Variants in SRP54 observed in about 807,000 individuals in gnomAD.
The protein encoded by SRP54 is signal recognition particle 54, also known as signal recognition particle subunit SRP54.
SRP54 carries 10 observed loss-of-function variants against 64.8 expected under a neutral mutation model. That is an observed-to-expected ratio of 0.15 (90% CI 0.10 to 0.26). SRP54 has a LOEUF of 0.26. Ranked by LOEUF, SRP54 falls within the 10% of genes least tolerant of loss-of-function variation. The pLI, the probability that SRP54 is intolerant of heterozygous loss-of-function variation, is 1.00. For synonymous variants in SRP54, 193 were observed against 185.6 expected (o/e 1.04, Z -0.32); for missense variants, 325 against 613.7 (o/e 0.53, Z 4.97).
chr14:34,995,134 GGTGTGTGTGTGTGTGT>G lies in SRP54; in HGVS notation c.-33-1504_-33-1489del, dbSNP rs35829734. ...TTCCAGAGAAGCAGAATCAATAAAG[GGTGTGTGTGTGTGTGT>G]GTGTGTGTGTGTGTGTGTGTGTGTG... On this transcript the variant is annotated intron_variant, in intron 1 of 15. Coordinates refer to ENST00000216774, the MANE Select transcript of SRP54 (RefSeq NM_003136.4). 4.4e-3 allele frequency among the ~76,000 whole-genome samples: 311 copies of G among 70,326 alleles called. 3 individuals are homozygous for G. The highest frequency in any genetic ancestry group is 6.2e-3 in the Non-Finnish European group (213 of 34,500). The allele number at this position is 70,326 out of a possible 152,430, so 46.1% of individuals were successfully genotyped here. A position where few individuals can be genotyped will look rare whatever the true frequency, so the allele number is the denominator to read the frequency against.
chr14:35,029,105 G>A lies in SRP54; in HGVS notation c.1468G>A (p.Gly490Ser). 6.2e-7 allele frequency: 1 copy of A among 1,613,134 alleles called. No homozygotes were observed. The highest frequency in any genetic ancestry group is 8.5e-7 in the Non-Finnish European group (1 of 1,179,620). Residue 490 changes from glycine to serine, a missense_variant, in exon 16 of 16, where the codon GGT becomes AGT. Physicochemically the swap from Gly to Ser is moderately conservative, Grantham distance 56. Transcript: ENST00000216774. ...GTCAATGATGAGGCAGTTTCAACAG[G>A]GTGCTGCTGGCAACATGAAAGGCAT... The part of the protein sequence containing the change: ...LQSMMRQFQQ[G>S]AAGNMKGMMG...
intron 4 of SRP54, among the ~76,000 whole-genome samples, chr14:35,004,831 T>A (rs1050970044): frequency 6.6e-6 from 1 of 152,202 alleles, no homozygotes; most frequent in Non-Finnish European, 1.5e-5. Flanking sequence ...ATTTCAAAAG[T>A]TTGCCTAAGG....
At chr14:35,014,594 T>C (rs1417324783) in intron 10 of SRP54, 150 bp from the exon 11 acceptor site, 5 of 610,216 alleles carry the variant, frequency 8.2e-6, no homozygotes, top group African/African-American at 5.8e-5. Context: ...CACTTAACTT[T>C]CTTAGCTTTG....
chr14:35,001,337 G>A (rs2044169134), intron 4 of SRP54, among the ~76,000 whole-genome samples: 1 of 152,048 alleles, frequency 6.6e-6, no homozygotes, highest in African/African-American at 2.4e-5. Flanking sequence ...TTTTAGTAGA[G>A]ACGGGGTTTC....
At chr14:34,986,323 T>A (rs1036724054) in intron 1 of SRP54, among the ~76,000 whole-genome samples, 1 of 152,186 alleles carries the variant, frequency 6.6e-6, no homozygotes, top group Non-Finnish European at 1.5e-5. Context: ...ATAATTTATC[T>A]TTTGAAGGGA....
rs536593270 is a variant in SRP54, at chr14:35,012,366, A to G, written c.636+707A>G. On this transcript the variant is annotated intron_variant, in intron 8 of 15. Coordinates refer to ENST00000216774, the MANE Select transcript of SRP54 (RefSeq NM_003136.4). ...TCTCTTTAAAAGTGTGATGGAAACA[A>G]TTTGGGGGAGGAGAAGCAGTTTATA... Among the ~76,000 whole-genome samples the G allele has an allele frequency of 1.1e-3, 168 of 152,274 alleles. 1 individual carries two copies. The highest frequency in any genetic ancestry group is 2.1e-3 in the Non-Finnish European group (145 of 68,008).
At chr14:34,993,391 A>G (rs746236280) in intron 1 of SRP54, 4 of 152,186 alleles carry the variant, frequency 2.6e-5, no homozygotes, top group Admixed American at 6.5e-5. Flanking sequence ...CTTTTCCATG[A>G]GGTGGTTGGC....
At chr14:34,993,885 G>A (rs2044023024) in intron 1 of SRP54, among the ~76,000 whole-genome samples, 1 of 151,962 alleles carries the variant, frequency 6.6e-6, no homozygotes. Flanking sequence ...AGTAGAGACG[G>A]GGTTTCTCCA....
intron 10 of SRP54, among the ~76,000 whole-genome samples, chr14:35,014,370 C>T (rs528927072): frequency 2.0e-5 from 3 of 150,976 alleles, no homozygotes; most frequent in East Asian, 2.0e-4. Flanking sequence ...TTCAGCCTCC[C>T]GGGTTCAAGC....
rs1180440839 is a variant in SRP54, at chr14:35,014,809, C to T, written c.952C>T (p.Leu318Phe). The T allele has an allele frequency of 6.2e-7, 1 of 1,613,660 alleles. No homozygotes were observed. Among genetic ancestry groups the T allele is most frequent in the African/African-American group, 1.3e-5 (1 of 74,996 alleles). Residue 318 changes from leucine (L) to phenylalanine (F), a missense_variant, in exon 11 of 16, where the codon CTT becomes TTT. Leu to Phe is a conservative substitution (Grantham distance 22). Coordinates refer to ENST00000216774, the MANE Select transcript of SRP54 (RefSeq NM_003136.4). ...GTTGAAGTTGGATGACAATGAAGCA[C>T]TTATAGAGAAGTTGAAACATGGTAT... ...NELKLDDNEA[L>F]IEKLKHGQFT...
chr14:34,988,996 A>G (rs1434345792), intron 1 of SRP54, among the ~76,000 whole-genome samples: 1 of 152,264 alleles, frequency 6.6e-6, no homozygotes, highest in Middle Eastern at 3.4e-3. Flanking sequence ...GTTATACTGT[A>G]TTGTTTAGGG....
At chr14:35,010,447 A>T (rs2044338166) in intron 7 of SRP54, among the ~76,000 whole-genome samples, 1 of 152,078 alleles carries the variant, frequency 6.6e-6, no homozygotes, top group Non-Finnish European at 1.5e-5. Context: ...ACTGTGCCTC[A>T]AAATAAATAA....
At chr14:35,010,346 T>C (rs113293829) in intron 7 of SRP54, among the ~76,000 whole-genome samples, 3 of 151,810 alleles carry the variant, frequency 2.0e-5, no homozygotes, top group Non-Finnish European at 4.4e-5. Flanking sequence ...CTCAGGAGGC[T>C]GAGGCAAGAG....
At chr14:35,014,555 C>G (rs1268439109) in intron 10 of SRP54, among the ~76,000 whole-genome samples, 189 bp from the exon 11 acceptor site, 1 of 152,138 alleles carries the variant, frequency 6.6e-6, no homozygotes, top group Non-Finnish European at 1.5e-5. Context: ...GCTGGGATTA[C>G]AGGCATGAGC....
chr14:35,028,584 C>T (rs530417394), intron 15 of SRP54, among the ~76,000 whole-genome samples: 2 of 152,232 alleles, frequency 1.3e-5, no homozygotes, highest in African/African-American at 4.8e-5. Flanking sequence ...GATCATATCT[C>T]ATCAAGAAAT....
chr14:35,023,095 CTTGTTATTAGTTAACAG>C lies in SRP54; in HGVS notation c.1327+16_1327+32del, dbSNP rs369856554. On this transcript the variant is annotated intron_variant, in intron 14 of 15. Coordinates refer to ENST00000216774, the MANE Select transcript of SRP54 (RefSeq NM_003136.4). ...ACTTTTCAAAGGTAAGAAAAATAAG[CTTGTTATTAGTTAACAG>C]ACGGAAAAGAAAGGAAGTTGAGAAA... The C allele has an allele frequency of 0.19, 292,752 of 1,575,890 alleles. 28,976 individuals carry two copies. Among genetic ancestry groups the C allele is most frequent in the East Asian group, 0.34 (14,797 of 43,844 alleles).
Position 34,996,797 on chromosome 14 carries a change from A to G in SRP54, c.78+10A>G, listed in dbSNP as rs1387994896. On this transcript the variant is annotated intron_variant, in intron 2 of 15. Transcript: ENST00000216774. ...CATTATCAATGAAGAGGTATGTAAA[A>G]TATTGTATGAAATATATATGATTGT... is the stretch of plus-strand genomic sequence containing the variant. 4 of 1,569,080 alleles carry G rather than the reference A, an allele frequency of 2.5e-6. No individual in the cohort carries two copies. Among genetic ancestry groups the G allele is most frequent in the Middle Eastern group, 1.7e-4 (1 of 5,992 alleles).
chr14:34,991,353 CT>C (rs1029378246), intron 1 of SRP54, among the ~76,000 whole-genome samples: 4 of 151,876 alleles, frequency 2.6e-5, no homozygotes, highest in African/African-American at 9.7e-5. Context: ...TGGTCTCGAA[CT>C]CCTGACCTCA....
chr14:35,006,188 C>G (rs971436549), intron 4 of SRP54, among the ~76,000 whole-genome samples: 2 of 152,174 alleles, frequency 1.3e-5, no homozygotes, highest in Non-Finnish European at 2.9e-5. Context: ...ATATGAACCT[C>G]AGTTTTCCAC....
Sources: gnomAD v4.1 joint callset for allele counts (sites outside exome capture counted in the v4.1 genomes callset) on GRCh38, gnomAD v4.1.1 for gene constraint, MANE v1.5 for transcripts, NCBI Gene and HGNC (gene_info 2026-07-23, HGNC 2026-07-21) for gene names.